Variants in TRIM24 observed in about 807,000 individuals in gnomAD.
TRIM24 encodes the protein tripartite motif containing 24, also known as transcription intermediary factor 1-alpha.
Under a neutral mutation model 123.9 loss-of-function variants are expected in TRIM24, and 29 were observed. The ratio of observed to expected loss-of-function variants is 0.23; its 90% confidence interval spans 0.17 to 0.32. TRIM24 has a LOEUF of 0.32. Among genes scored for constraint, TRIM24 ranks in the 10% least tolerant of loss-of-function variants. The probability of loss-of-function intolerance (pLI) is 1.00; values close to 1 mark genes in which losing one functional copy is unlikely to be tolerated. For synonymous variants in TRIM24, 456 were observed against 461.1 expected, an observed-to-expected ratio of 0.99 and a Z score of 0.14; for missense variants, 932 against 1,295.3, an observed-to-expected ratio of 0.72 and a Z score of 4.31.
In TRIM24 at chr7:138,503,483, T is replaced by A. The variant is rs189172612; in HGVS notation, c.365-807T>A. ...AAAAATTTTTTTTTCATTAAATGTT[T>A]GTTTGTTGTTTGTTTATACATATGA... is the stretch of plus-strand genomic sequence containing the variant. On this transcript the variant is annotated intron_variant, in intron 1 of 18. Transcript: ENST00000343526. Among the ~76,000 whole-genome samples, 174 of 152,190 alleles carry A rather than the reference T, an allele frequency of 1.1e-3. 1 individual carries two copies. The highest frequency in any genetic ancestry group is 3.9e-3 in the African/African-American group (161 of 41,580).
Position 138,460,302 on chromosome 7 carries a change from C to A in TRIM24, c.-247C>A. 2.6e-6 allele frequency: 1 copy of A among 390,312 alleles called. No individual in the cohort carries two copies. Among genetic ancestry groups the A allele is most frequent in the Non-Finnish European group, 4.5e-6 (1 of 223,642 alleles). The allele number at this position is 390,312 out of a possible 1,614,324, so 24.2% of individuals were successfully genotyped here. A position where few individuals can be genotyped will look rare whatever the true frequency, so the allele number is the denominator to read the frequency against. On this transcript the variant is annotated 5_prime_UTR_variant, in exon 1 of 19. Coordinates refer to ENST00000343526, the MANE Select transcript of TRIM24 (RefSeq NM_015905.3). ...GGCGGTTGGCGAAGCGGACGGGGTG[C>A]AGCCTCCCCGGTGCGAGGAACGGTC...
intron 7 of TRIM24, among the ~76,000 whole-genome samples, chr7:138,539,988 G>T (rs2032667421): frequency 6.6e-6 from 1 of 152,044 alleles, no homozygotes; most frequent in South Asian, 2.1e-4. Context: ...TTTTAGTAGA[G>T]ACGGGGTTTC....
In TRIM24 at chr7:138,554,357, A is replaced by G. The variant is rs1797273955; in HGVS notation, c.1262-341A>G. Among the ~76,000 whole-genome samples, 1 of 152,232 alleles carries G rather than the reference A, an allele frequency of 6.6e-6. No homozygotes were observed. The highest frequency in any genetic ancestry group is 2.1e-4 in the South Asian group (1 of 4,834). On this transcript the variant is annotated intron_variant, in intron 8 of 18. Coordinates refer to ENST00000343526, the MANE Select transcript of TRIM24 (RefSeq NM_015905.3). This position sits in a 1 kb window ranked among gnomAD's most constrained non-coding sequence, Gnocchi z 4.5. ...ATTTCAGCTATTAAGCCAGACATTC[A>G]AACAGATTTTTTAAAACATCAAACA...
chr7:138,461,292 G>C (rs1380843610), intron 1 of TRIM24: 2 of 549,310 alleles, frequency 3.6e-6, no homozygotes, highest in Admixed American at 3.8e-5. Context: ...CCTCCACAAA[G>C]CTTTGTCCAG....
At chr7:138,461,270 A>G (rs1554429222) in intron 1 of TRIM24, 2 of 565,234 alleles carry the variant, frequency 3.5e-6, no homozygotes, top group South Asian at 2.8e-5. Flanking sequence ...GTTAACTGCT[A>G]CCCGCCCGCT....
intron 7 of TRIM24, among the ~76,000 whole-genome samples, chr7:138,549,392 G>A (rs1454099411): frequency 6.6e-6 from 1 of 152,148 alleles, no homozygotes; most frequent in African/African-American, 2.4e-5. Flanking sequence ...ATTGTGCACT[G>A]CCAAGAAGCA....
chr7:138,570,769 A>G, intron 10 of TRIM24, 61 bp from the exon 11 acceptor site: 2 of 1,559,562 alleles, frequency 1.3e-6, no homozygotes, highest in Non-Finnish European at 1.7e-6. Context: ...GAGTGATTAC[A>G]TAGATGTTGT....
intron 18 of TRIM24, among the ~76,000 whole-genome samples, chr7:138,584,334 T>TAAAAATTTCTCATCTGTCAGTTCA (rs1797967781): frequency 6.6e-6 from 1 of 152,242 alleles, no homozygotes; most frequent in Admixed American, 6.5e-5. Flanking sequence ...AGCTCTAATT[T>TAAAAATTTCTCATCTGTCAGTTCA]AAAAATTTCT....
At chr7:138,572,686 C>G (rs1797682392) in intron 11 of TRIM24, among the ~76,000 whole-genome samples, 1 of 152,140 alleles carries the variant, frequency 6.6e-6, no homozygotes, top group African/African-American at 2.4e-5. Flanking sequence ...ACTTAATTAT[C>G]TTATAGAATC....
chr7:138,569,653 A>G (rs774148526), intron 10 of TRIM24, among the ~76,000 whole-genome samples: 1 of 152,224 alleles, frequency 6.6e-6, no homozygotes, highest in South Asian at 2.1e-4. Context: ...AGTAGGTGGT[A>G]AAGAAGACAT....
At chr7:138,545,356 G>C in intron 7 of TRIM24, 1 of 453,074 alleles carries the variant, frequency 2.2e-6, no homozygotes, top group South Asian at 1.6e-5. Flanking sequence ...GAGGAATACG[G>C]AAGTGGTAAG....
intron 1 of TRIM24, among the ~76,000 whole-genome samples, chr7:138,463,673 A>G (rs1258143557): frequency 6.6e-6 from 1 of 152,172 alleles, no homozygotes; most frequent in South Asian, 2.1e-4. Flanking sequence ...TCGTAAAGTT[A>G]TCATCCTCAA....
intron 2 of TRIM24, among the ~76,000 whole-genome samples, chr7:138,505,543 G>GTTGTTA: frequency 6.6e-6 from 1 of 151,514 alleles, no homozygotes; most frequent in South Asian, 2.1e-4. Flanking sequence ...TGTTGTTGTT[G>GTTGTTA]TTGTTGTTGT....
chr7:138,556,560 C>G (rs1315525172), intron 9 of TRIM24, among the ~76,000 whole-genome samples: 2 of 152,206 alleles, frequency 1.3e-5, no homozygotes, highest in Admixed American at 6.5e-5. Flanking sequence ...GGGAAATAGG[C>G]TCCTCTTTGA....
intron 9 of TRIM24, among the ~76,000 whole-genome samples, chr7:138,556,113 T>C (rs1366354175): frequency 6.6e-6 from 1 of 152,222 alleles, no homozygotes; most frequent in Non-Finnish European, 1.5e-5. Context: ...TTCCTAAGTA[T>C]GTTCTGCTTG....
intron 9 of TRIM24, among the ~76,000 whole-genome samples, chr7:138,562,745 C>T (rs544725781): frequency 6.6e-6 from 1 of 152,298 alleles, no homozygotes; most frequent in Admixed American, 6.5e-5. Flanking sequence ...CTCTATAATT[C>T]AAGTATTCCT....
At chr7:138,526,160 A>G (rs958048825) in intron 5 of TRIM24, among the ~76,000 whole-genome samples, 36 of 152,332 alleles carry the variant, frequency 2.4e-4, no homozygotes, top group Admixed American at 7.8e-4. Flanking sequence ...GAGAATTTAA[A>G]TGTTTTTCTA....
Position 138,585,819 on chromosome 7 carries a change from TATAAATACAGC to T in TRIM24, c.*870_*880del, listed in dbSNP as rs1208675121. On this transcript the variant is annotated 3_prime_UTR_variant, in exon 19 of 19. Transcript: ENST00000343526. ...TAGCTTTTAGTGGAACTACCCAAAATATAAATACAGCAGCGTGCACTGTATTTGATGTGAGG... is the reference window on the plus strand; with the variant it reads ...TAGCTTTTAGTGGAACTACCCAAAATAGCGTGCACTGTATTTGATGTGAGG... The T allele has an allele frequency of 3.8e-6, 2 of 519,932 alleles. No homozygotes were observed. Among genetic ancestry groups the T allele is most frequent in the Non-Finnish European group, 7.7e-6 (2 of 260,514 alleles). 32.2% of individuals were successfully genotyped at this position (519,932 alleles called of 1,614,324 possible).
chr7:138,512,027 A>AGG (rs976273654), intron 2 of TRIM24, among the ~76,000 whole-genome samples: 6 of 152,220 alleles, frequency 3.9e-5, no homozygotes, highest in African/African-American at 1.4e-4. Context: ...GGCCAAAAGA[A>AGG]GGGGGCTGCA....
Sources: allele counts gnomAD v4.1 joint callset (sites outside exome capture counted in the v4.1 genomes callset), GRCh38; gene constraint gnomAD v4.1.1; non-coding constraint Gnocchi (gnomAD v3.1); transcripts MANE v1.5; gene names NCBI Gene and HGNC (gene_info 2026-07-23, HGNC 2026-07-21).